Variants in EPHA5 observed in about 807,000 individuals in gnomAD.
EPHA5 encodes the protein ephrin type-A receptor 5.
EPHA5 carries 60 observed loss-of-function variants against 105.0 expected under a neutral mutation model. That is an observed-to-expected ratio of 0.57 (90% CI 0.46 to 0.71). The LOEUF (loss-of-function observed/expected upper bound fraction) is 0.71, where lower values mean the gene tolerates loss of function less well. EPHA5 is among the 30% of genes least tolerant of loss of function. EPHA5 has a pLI of 0.00. For synonymous variants in EPHA5, 513 were observed against 449.1 expected (o/e 1.14, Z -1.80); for missense variants, 1,218 against 1,274.7 (o/e 0.96, Z 0.68).
At chr4:65,591,461 T>C (rs1359799473) in intron 3 of EPHA5, among the ~76,000 whole-genome samples, 1 of 151,714 alleles carries the variant, frequency 6.6e-6, no homozygotes, top group Non-Finnish European at 1.5e-5. Context: ...AAAAAATAGT[T>C]TTCTGTTCCC....
intron 5 of EPHA5, among the ~76,000 whole-genome samples, chr4:65,451,320 C>T (rs1578144975): frequency 6.6e-6 from 1 of 152,102 alleles, no homozygotes; most frequent in East Asian, 1.9e-4. Flanking sequence ...TGATACAAGA[C>T]ATTTTAAATT....
At chr4:65,446,227 ATTATC>A (rs1046810612) in intron 5 of EPHA5, among the ~76,000 whole-genome samples, 1 of 152,156 alleles carries the variant, frequency 6.6e-6, no homozygotes, top group Non-Finnish European at 1.5e-5. Context: ...AAAACTTGGT[ATTATC>A]TTTGCTTTAT....
intron 1 of EPHA5, among the ~76,000 whole-genome samples, chr4:65,664,073 T>C (rs1749764453): frequency 6.6e-6 from 1 of 151,924 alleles, no homozygotes; most frequent in Admixed American, 6.6e-5. Flanking sequence ...ATCTATCTCA[T>C]GAACTGAATA....
chr4:65,484,987 G>T (rs1730744787), intron 5 of EPHA5, among the ~76,000 whole-genome samples: 1 of 151,708 alleles, frequency 6.6e-6, no homozygotes, highest in African/African-American at 2.4e-5. Context: ...ATATTATTTG[G>T]CAAAGAAAGA....
At chr4:65,385,435 A>T (rs551666225) in intron 8 of EPHA5, among the ~76,000 whole-genome samples, 2 of 152,048 alleles carry the variant, frequency 1.3e-5, no homozygotes, top group South Asian at 4.2e-4. Context: ...CCAAAACTCA[A>T]GGAATGTGTG....
chr4:65,418,451 A>C (rs570680020), intron 6 of EPHA5, among the ~76,000 whole-genome samples: 1 of 152,300 alleles, frequency 6.6e-6, no homozygotes, highest in South Asian at 2.1e-4. Flanking sequence ...AGTTTTGTTG[A>C]CAATAAACAG....
At position 65,378,736 on chromosome 4, in the gene EPHA5, A is replaced by G. The variant is rs1444290748; in HGVS notation, c.1794-11312T>C. 7.9e-5 allele frequency among the ~76,000 whole-genome samples: 12 copies of G among 151,898 alleles called. No homozygotes were observed. The Admixed American group carries it at 7.9e-4, about 10-fold the overall frequency. On this transcript the variant is annotated intron_variant, in intron 8 of 16. Coordinates refer to ENST00000613740, the MANE Select transcript of EPHA5 (RefSeq NM_001281766.3). The stretch of plus-strand genomic sequence containing the variant: ...GTTTGCCCTCCTTTGTTAGACTGCT[A>G]GTTTTCTGAGATGAGAATGACTGCT...
At chr4:65,654,938 T>C (rs1748928005) in intron 1 of EPHA5, among the ~76,000 whole-genome samples, 1 of 148,548 alleles carries the variant, frequency 6.7e-6, no homozygotes, top group Non-Finnish European at 1.5e-5. Flanking sequence ...TAAGCTTTGA[T>C]ATATGTATAT....
intron 3 of EPHA5, among the ~76,000 whole-genome samples, chr4:65,548,797 C>G (rs1737624712): frequency 6.6e-6 from 1 of 152,054 alleles, no homozygotes; most frequent in South Asian, 2.1e-4. Context: ...GCTAGAAACT[C>G]TCATGTTCCC....
chr4:65,564,578 C>A (rs546060954), intron 3 of EPHA5, among the ~76,000 whole-genome samples: 43 of 151,730 alleles, frequency 2.8e-4, no homozygotes, highest in Admixed American at 2.0e-3. Flanking sequence ...CCTATTTATA[C>A]CAATCCTATT....
intron 8 of EPHA5, among the ~76,000 whole-genome samples, chr4:65,390,429 G>T (rs1398360531): frequency 6.6e-6 from 1 of 151,956 alleles, no homozygotes; most frequent in Admixed American, 6.6e-5. Context: ...TCTTCCTCCT[G>T]ACCAAAATCT....
chr4:65,348,813 A>ATTTT (rs1411450820), intron 13 of EPHA5, among the ~76,000 whole-genome samples: 2,018 of 41,298 alleles, frequency 0.049, 332 homozygotes, highest in Non-Finnish European at 0.059. Context: ...ATATATATAT[A>ATTTT]TATTTTTTTT....
rs546729867 is a variant in EPHA5, at chr4:65,600,888, G to A, written c.910+753C>T. 1.1e-4 allele frequency among the ~76,000 whole-genome samples: 17 copies of A among 152,028 alleles called. No individual in the cohort carries two copies. In the South Asian group the frequency reaches 3.1e-3, roughly 28 times the overall value. On this transcript the variant is annotated intron_variant, in intron 3 of 16. Coordinates refer to ENST00000613740, the MANE Select transcript of EPHA5 (RefSeq NM_001281766.3). ...AAACGGCCAACTCACCACACTGCGG[G>A]CAAAATGAGGGCATTTTCAAAGGAA... is the stretch of plus-strand genomic sequence containing the variant.
chr4:65,332,176 T>C (rs1335600417), intron 15 of EPHA5, 48 bp from the exon 16 acceptor site: 1 of 1,444,896 alleles, frequency 6.9e-7, no homozygotes, highest in Non-Finnish European at 9.3e-7. Flanking sequence ...TTAATTCTTT[T>C]ATAACAAAGT....
chr4:65,343,270 G>C (rs1239525219), intron 14 of EPHA5, among the ~76,000 whole-genome samples: 1 of 152,114 alleles, frequency 6.6e-6, no homozygotes, highest in Non-Finnish European at 1.5e-5. Flanking sequence ...TTGAATCAGA[G>C]TTCATGGTCT....
intron 15 of EPHA5, among the ~76,000 whole-genome samples, chr4:65,333,827 A>T (rs964266266): frequency 6.6e-6 from 1 of 151,626 alleles, no homozygotes; most frequent in Non-Finnish European, 1.5e-5. Flanking sequence ...TCAGAGAAAT[A>T]CGGCCCCAGG....
At chr4:65,440,831 C>A (rs1329797496) in intron 5 of EPHA5, among the ~76,000 whole-genome samples, 1 of 151,896 alleles carries the variant, frequency 6.6e-6, no homozygotes. Context: ...GGCCCATCTC[C>A]CTATGGGTGT....
rs73218333 is a variant in EPHA5, at chr4:65,386,342, C to T, written c.1793+18032G>A. 1.3e-3 allele frequency among the ~76,000 whole-genome samples: 202 copies of T among 151,904 alleles called. 1 individual carries two copies. Among genetic ancestry groups the T allele is most frequent in the African/African-American group, 4.8e-3 (198 of 41,484 alleles). ...TATTTTTCTCCTATTAAATAAGCAA[C>T]GATGTTCTAGGTTGTGAACTACCAA... On this transcript the variant is annotated intron_variant, in intron 8 of 16. Coordinates refer to ENST00000613740, the MANE Select transcript of EPHA5 (RefSeq NM_001281766.3).
Position 65,321,144 on chromosome 4 carries a change from T to A in EPHA5, c.*2970A>T, listed in dbSNP as rs968755760. 8.7e-6 allele frequency: 2 copies of A among 230,516 alleles called. No individual in the cohort carries two copies. The highest frequency in any genetic ancestry group is 5.7e-5 in the Admixed American group (1 of 17,588). 14.3% of individuals were successfully genotyped at this position (230,516 alleles called of 1,614,324 possible). On this transcript the variant is annotated 3_prime_UTR_variant, in exon 17 of 17. Coordinates refer to ENST00000613740, the MANE Select transcript of EPHA5 (RefSeq NM_001281766.3). ...TGTTGAAAATTACTCCCTGTACCAA[T>A]TTTTCAAAGTCCAATACTGTGAAAG...
Sources: gnomAD v4.1 joint callset for allele counts (sites outside exome capture counted in the v4.1 genomes callset) on GRCh38, gnomAD v4.1.1 for gene constraint, MANE v1.5 for transcripts, NCBI Gene and HGNC (gene_info 2026-07-23, HGNC 2026-07-21) for gene names.